Variants in SCYL1 observed in about 807,000 individuals in gnomAD.
SCYL1 encodes the protein N-terminal kinase-like protein.
SCYL1 carries 85 observed loss-of-function variants against 94.8 expected under a neutral mutation model. The ratio of observed to expected loss-of-function variants is 0.90; its 90% confidence interval spans 0.75 to 1.07. The LOEUF is 1.07. Ranked by LOEUF, SCYL1 falls within the 50% of genes least tolerant of loss-of-function variation. The pLI, the probability that SCYL1 is intolerant of heterozygous loss-of-function variation, is 0.00. For synonymous variants in SCYL1, 459 were observed against 435.5 expected, an observed-to-expected ratio of 1.05 and a Z score of -0.67; for missense variants, 968 against 1,083.3, an observed-to-expected ratio of 0.89 and a Z score of 1.49.
At position 65,525,619 on chromosome 11, in the gene SCYL1, G is replaced by A. The variant is rs1373070562; in HGVS notation, c.157G>A (p.Gly53Ser). Residue 53 changes from glycine to serine, a missense_variant, in exon 2 of 18, where the codon GGC (glycine) becomes AGC (serine). Coordinates refer to ENST00000270176, the MANE Select transcript of SCYL1 (RefSeq NM_020680.4). ...CATCTTCGTCTATGATGTGAAGCCTGGCGCGGAAGAGCAGACCCAGGTGGC... is the reference window on the plus strand; with the variant it reads ...CATCTTCGTCTATGATGTGAAGCCTAGCGCGGAAGAGCAGACCCAGGTGGC... ...VSIFVYDVKP[G>S]AEEQTQVAKA... 1.2e-6 allele frequency: 2 copies of A among 1,612,670 alleles called. No homozygotes were observed. Among genetic ancestry groups the A allele is most frequent in the East Asian group, 4.5e-5 (2 of 44,898 alleles).
At chr11:65,531,813 C>A in intron 8 of SCYL1, 130 bp downstream of exon 8, 1 of 677,118 alleles carries the variant, frequency 1.5e-6, no homozygotes, top group Non-Finnish European at 2.6e-6. Flanking sequence ...CTGAGGGACC[C>A]AATGAGGCCA....
intron 1 of SCYL1, 144 bp from the exon 2 acceptor site, chr11:65,525,430 A>G: frequency 8.8e-7 from 1 of 1,130,292 alleles, no homozygotes; most frequent in South Asian, 1.7e-5. Flanking sequence ...GGACCGAGGG[A>G]CCGACAGGCG....
intron 9 of SCYL1, among the ~76,000 whole-genome samples, chr11:65,534,487 A>C (rs1855546935): frequency 6.6e-6 from 1 of 152,062 alleles, no homozygotes; most frequent in South Asian, 2.1e-4. Context: ...AGGAGTTGCT[A>C]TTTACTGAGA....
intron 9 of SCYL1, 68 bp from the exon 10 acceptor site, chr11:65,535,159 G>C: frequency 6.3e-7 from 1 of 1,580,482 alleles, no homozygotes; most frequent in Non-Finnish European, 8.6e-7. Context: ...GGGCTGCCAG[G>C]AGGCTGTTCC....
intron 1 of SCYL1, 147 bp downstream of exon 1, chr11:65,525,411 C>A: frequency 9.4e-7 from 1 of 1,060,188 alleles, no homozygotes; most frequent in Non-Finnish European, 1.3e-6. Flanking sequence ...GCCTACGTGG[C>A]GGGCGGAGGG....
chr11:65,536,374 G>A (rs1460559558), intron 12 of SCYL1, 40 bp downstream of exon 12: 10 of 1,599,176 alleles, frequency 6.3e-6, no homozygotes, highest in Admixed American at 3.3e-5. Context: ...TCCCTGCCAT[G>A]TCCTTGACTG....
At position 65,525,612 on chromosome 11, in the gene SCYL1, G is replaced by C. The variant is rs368523734; in HGVS notation, c.150G>C (p.Val50=). The change falls in exon 2 of 18, where the codon GTG becomes GTC. Residue 50 remains valine, a synonymous_variant. Transcript: ENST00000270176. ...GSPVSIFVYD[V]KPGAEEQTQV... is the part of the protein sequence containing the mutation. Reference sequence around the variant, plus strand: ...CCGTGTCCATCTTCGTCTATGATGTGAAGCCTGGCGCGGAAGAGCAGACCC... The same window carrying C: ...CCGTGTCCATCTTCGTCTATGATGTCAAGCCTGGCGCGGAAGAGCAGACCC... 191 of 1,612,620 alleles carry C rather than the reference G, an allele frequency of 1.2e-4. No homozygotes were observed. Among genetic ancestry groups the C allele is most frequent in the Admixed American group, 8.2e-4 (49 of 59,996 alleles).
At chr11:65,530,137 G>A (rs528690080) in intron 6 of SCYL1, among the ~76,000 whole-genome samples, 4 of 152,158 alleles carry the variant, frequency 2.6e-5, no homozygotes, top group Admixed American at 1.3e-4. Flanking sequence ...GCCTTCCCAC[G>A]GCCTACCAGG....
chr11:65,538,013 G>T lies in SCYL1; in HGVS notation c.2078G>T (p.Trp693Leu). 10 of 1,612,954 alleles carry T rather than the reference G, an allele frequency of 6.2e-6. No individual in the cohort carries two copies. Among genetic ancestry groups the T allele is most frequent in the Non-Finnish European group, 8.5e-6 (10 of 1,179,502 alleles). The change falls in exon 16 of 18, where the codon TGG becomes TTG. Residue 693 changes from tryptophan to leucine, a missense_variant. Trp to Leu is a moderately conservative substitution (Grantham distance 61). This residue lies in a region of SCYL1 where 474 missense variants were observed against 463.6 expected (regional missense o/e 1.02). Coordinates refer to ENST00000270176, the MANE Select transcript of SCYL1 (RefSeq NM_020680.4). ...HKSSKSPESD[W>L]SSWEAEGSWE... ...TCCTCCAAATCCCCAGAGTCCGACT[G>T]GAGCAGCTGGGAAGCTGAGGGCTCC...
At position 65,538,104 on chromosome 11, in the gene SCYL1, C is replaced by T. The variant is rs755680407; in HGVS notation, c.2169C>T (p.Ser723=). The T allele has an allele frequency of 1.9e-6, 3 of 1,604,262 alleles. No homozygotes were observed. Among genetic ancestry groups the T allele is most frequent in the Non-Finnish European group, 2.6e-6 (3 of 1,176,088 alleles). ...EPPPDGTRLA[S]EYNWGGPESS... Reference sequence around the variant, plus strand: ...CTCCTGACGGTACACGGCTGGCCAGCGAGTATAACTGGGGTGGCCCAGAGT... The same window carrying T: ...CTCCTGACGGTACACGGCTGGCCAGTGAGTATAACTGGGGTGGCCCAGAGT... The change falls in exon 16 of 18, where the codon AGC becomes AGT. Residue 723 remains serine, a synonymous_variant. Coordinates refer to ENST00000270176, the MANE Select transcript of SCYL1 (RefSeq NM_020680.4).
intron 6 of SCYL1, among the ~76,000 whole-genome samples, chr11:65,530,101 C>T (rs539975899): frequency 6.6e-6 from 1 of 152,234 alleles, no homozygotes; most frequent in Admixed American, 6.5e-5. Flanking sequence ...AGGATGAGGT[C>T]TGGGAGTAAA....
Position 65,532,735 on chromosome 11 carries a change from C to G in SCYL1, c.1160C>G (p.Thr387Ser). 1 of 1,614,168 alleles carries G rather than the reference C, an allele frequency of 6.2e-7. No individual in the cohort carries two copies. The highest frequency in any genetic ancestry group is 8.5e-7 in the Non-Finnish European group (1 of 1,179,988). ...TACCTTGACGAGCCAACAGTCAACA[C>G]CCAGATCTTCCCCCACGTCGTACAT... is the stretch of plus-strand genomic sequence containing the variant. ...IQYLDEPTVN[T>S]QIFPHVVHGF... Residue 387 changes from threonine (T) to serine (S), a missense_variant, in exon 9 of 18, where the codon ACC becomes AGC. Thr to Ser is a moderately conservative substitution (Grantham distance 58). Around this residue, in one of 2 missense-constraint regions of SCYL1, gnomAD observed 494 missense variants for 619.7 expected, o/e 0.80. Transcript: ENST00000270176.
chr11:65,531,938 C>T (rs923583523), intron 8 of SCYL1, among the ~76,000 whole-genome samples: 1 of 152,210 alleles, frequency 6.6e-6, no homozygotes, highest in African/African-American at 2.4e-5. Context: ...CACTCTGGCC[C>T]TCTAGAGTGG....
chr11:65,538,212 G>GAGAT, intron 16 of SCYL1, 30 bp downstream of exon 16: 1 of 1,560,396 alleles, frequency 6.4e-7, no homozygotes, highest in Non-Finnish European at 8.7e-7. Context: ...CGAGAGGGTA[G>GAGAT]AGATGGTGGA....
chr11:65,525,181 C>T lies in SCYL1; in HGVS notation c.28C>T (p.Arg10Trp). 1 of 1,442,566 alleles carries T rather than the reference C, an allele frequency of 6.9e-7. No individual in the cohort carries two copies. The highest frequency in any genetic ancestry group is 9.2e-7 in the Non-Finnish European group (1 of 1,091,852). 89.4% of individuals were successfully genotyped at this position (1,442,566 alleles called of 1,614,324 possible). Residue 10 changes from arginine to tryptophan, a missense_variant, in exon 1 of 18, where the codon CGG (arginine) becomes TGG (tryptophan). By Grantham distance (101) the Arg-to-Trp change is moderately radical. This residue lies in a region of SCYL1 where 494 missense variants were observed against 619.7 expected (regional missense o/e 0.80). Coordinates refer to ENST00000270176, the MANE Select transcript of SCYL1 (RefSeq NM_020680.4). ...GTGGTTCTTTGCCCGGGACCCGGTC[C>T]GGGACTTTCCGTTCGAGCTCATCCC... MWFFARDPV[R>W]DFPFELIPEP...
chr11:65,536,330 A>G lies in SCYL1; in HGVS notation c.1647A>G (p.Glu549=). 2.5e-6 allele frequency: 4 copies of G among 1,613,976 alleles called. No homozygotes were observed. The highest frequency in any genetic ancestry group is 1.6e-4 in the Middle Eastern group (1 of 6,062). ...SVSEDPTQLE[E]VEKDVHAASS... is the part of the protein sequence containing the mutation. ...CGGAGGACCCGACCCAGCTGGAGGA[A>G]GTGGGTGAGTGGCTTACACTCGTGT... is the stretch of plus-strand genomic sequence containing the variant. Residue 549 remains glutamate (E), a synonymous_variant, in exon 12 of 18, where the codon GAA becomes GAG. Transcript: ENST00000270176.
At position 65,526,017 on chromosome 11, in the gene SCYL1, A is replaced by C. The variant is rs1297082212; in HGVS notation, c.349A>C (p.Ile117Leu). The C allele has an allele frequency of 6.2e-7, 1 of 1,612,998 alleles. No individual in the cohort carries two copies. Among genetic ancestry groups the C allele is most frequent in the Admixed American group, 1.7e-5 (1 of 60,004 alleles). ...VEAGGLKELE[I>L]SWGLHQIVKA... The stretch of plus-strand genomic sequence containing the variant: ...GGCTGGTGGCCTGAAGGAGCTGGAG[A>C]TCTCCTGGGGGCTACACCAGATCGT... The change falls in exon 3 of 18, where the codon ATC becomes CTC. Residue 117 changes from isoleucine (I) to leucine (L), a missense_variant. Coordinates refer to ENST00000270176, the MANE Select transcript of SCYL1 (RefSeq NM_020680.4). The surrounding 1 kb of genome is among the most constrained non-coding windows in gnomAD (Gnocchi z 4.1).
chr11:65,526,887 C>G lies in SCYL1; in HGVS notation c.693+14C>G. 6.2e-7 allele frequency: 1 copy of G among 1,612,906 alleles called. No homozygotes were observed. On this transcript the variant is annotated intron_variant, in intron 5 of 17. Transcript: ENST00000270176. The surrounding 1 kb of genome is among the most constrained non-coding windows in gnomAD (Gnocchi z 4.1). ...AACCCTGGGAAGGTAAGTTTCTTGC[C>G]CCTGGCTCTTTGCCCTGCCTCAGCC...
intron 17 of SCYL1, 50 bp from the exon 18 acceptor site, chr11:65,538,392 G>C (rs908835036): frequency 2.9e-5 from 44 of 1,539,348 alleles, no homozygotes; most frequent in Non-Finnish European, 3.7e-5. Flanking sequence ...CAGGCCCCCG[G>C]CAGGCACTGG....
Sources: allele counts gnomAD v4.1 joint callset (sites outside exome capture counted in the v4.1 genomes callset), GRCh38; gene constraint gnomAD v4.1.1; regional missense constraint gnomAD v4.1.1; non-coding constraint Gnocchi (gnomAD v3.1); transcripts MANE v1.5; gene names NCBI Gene and HGNC (gene_info 2026-07-23, HGNC 2026-07-21).